The following NREP variants were observed in gnomAD, a reference collection of about 807,000 sequenced individuals.
The protein encoded by NREP is neuronal regeneration related protein.
In NREP, 5 loss-of-function variants were observed where a neutral mutation model predicts 8.6. The ratio of observed to expected loss-of-function variants is 0.58; its 90% CI spans 0.30 to 1.22. The LOEUF is 1.22. NREP is among the 50% of genes most tolerant of loss of function. The pLI is 0.07. For synonymous variants in NREP, 27 were observed against 28.0 expected (o/e 0.96, Z 0.11); for missense variants, 86 against 82.5 (o/e 1.04, Z -0.17).
intron 2 of NREP, among the ~76,000 whole-genome samples, chr5:111,824,158 C>T (rs1437478634): frequency 1.3e-5 from 2 of 152,146 alleles, no homozygotes; most frequent in African/African-American, 4.8e-5. Flanking sequence ...ATCACGAGGT[C>T]AGGAGATCAA....
At chr5:111,760,924 G>C (rs1750945982), upstream of NREP, among the ~76,000 whole-genome samples, 1 of 152,138 alleles carries the variant, frequency 6.6e-6, no homozygotes, top group Non-Finnish European at 1.5e-5. Flanking sequence ...CCTGATTATA[G>C]CTAAATGTAT....
intron 2 of NREP, among the ~76,000 whole-genome samples, chr5:111,944,132 A>T (rs1170301882): frequency 2.6e-5 from 4 of 152,080 alleles, no homozygotes; most frequent in Non-Finnish European, 5.9e-5. Context: ...AGTATATTGG[A>T]TGAGGGATGC....
Position 111,788,084 on chromosome 5 carries a change from C to A in NREP, c.136-52577G>T, listed in dbSNP as rs115248165. On this transcript the variant is annotated intron_variant, in intron 2 of 3. Coordinates refer to the NREP transcript ENST00000395634. ...CCACCCTGGGTAACAAAGCAAGACC[C>A]TATCTCAACAACAACAACAAGAAAA... is the stretch of plus-strand genomic sequence containing the variant. Among the ~76,000 whole-genome samples, 464 of 151,974 alleles carry A rather than the reference C, an allele frequency of 3.1e-3. 3 individuals are homozygous for A. The highest frequency in any genetic ancestry group is 0.011 in the African/African-American group (450 of 41,446).
chr5:111,941,698 T>G (rs1755834370), intron 2 of NREP, among the ~76,000 whole-genome samples: 1 of 152,084 alleles, frequency 6.6e-6, no homozygotes, highest in South Asian at 2.1e-4. Flanking sequence ...AATATTAGCA[T>G]TTCAGACAGG....
chr5:111,730,825 A>AT lies in NREP; in HGVS notation c.*95dup. 1 of 1,386,628 alleles carries AT rather than the reference A, an allele frequency of 7.2e-7. No homozygotes were observed. Among genetic ancestry groups the AT allele is most frequent in the Non-Finnish European group, 9.9e-7 (1 of 1,008,986 alleles). The allele number at this position is 1,386,628 out of a possible 1,614,324, so 85.9% of individuals were successfully genotyped here. On this transcript the variant is annotated 3_prime_UTR_variant, in exon 4 of 4. Transcript: ENST00000257435. ...GCTCAGAGTCCCATAGTTTCTTCTT[A>AT]TACTTGATGATTTACACAGAAAAAA...
At chr5:111,836,988 T>G (rs1752912245) in intron 2 of NREP, among the ~76,000 whole-genome samples, 1 of 152,070 alleles carries the variant, frequency 6.6e-6, no homozygotes, top group Non-Finnish European at 1.5e-5. Context: ...AAGACTTGAA[T>G]TCACTTGAAT....
rs773514194 is a variant in NREP at position 111,870,608 on chromosome 5, CA to C, written c.135+104665del. 8.6e-4 allele frequency among the ~76,000 whole-genome samples: 130 copies of C among 151,910 alleles called. 2 individuals carry two copies. The highest frequency in any genetic ancestry group is 1.2e-3 in the Non-Finnish European group (84 of 67,972). ...AATTATGGATTGTATGCCAACATAC[CA>C]AAAGGTATGTTGATGTCCTAACCTC... is the stretch of plus-strand genomic sequence containing the variant. On this transcript the variant is annotated intron_variant, in intron 2 of 3. Coordinates refer to the NREP transcript ENST00000395634.
intron 2 of NREP, among the ~76,000 whole-genome samples, chr5:111,833,711 G>A (rs547551099): frequency 6.6e-6 from 1 of 152,240 alleles, no homozygotes; most frequent in East Asian, 1.9e-4. Context: ...AACAGATTTG[G>A]TCCCAGCCTC....
chr5:111,872,475 A>G (rs1753812697), intron 2 of NREP, among the ~76,000 whole-genome samples: 1 of 152,234 alleles, frequency 6.6e-6, no homozygotes, highest in Non-Finnish European at 1.5e-5. Context: ...CTCATGGTCC[A>G]GTCAAGTTGC....
chr5:111,916,090 A>G (rs577885087), intron 2 of NREP, among the ~76,000 whole-genome samples: 14 of 152,274 alleles, frequency 9.2e-5, no homozygotes, highest in African/African-American at 3.4e-4. Flanking sequence ...ATTAGGAGCC[A>G]TAGTCGCAAG....
intron 2 of NREP, among the ~76,000 whole-genome samples, chr5:111,827,647 G>C (rs1472078753): frequency 6.6e-6 from 1 of 152,170 alleles, no homozygotes; most frequent in Non-Finnish European, 1.5e-5. Flanking sequence ...TTCGAGACCA[G>C]CCTGGCCAAC....
At chr5:111,732,162 A>C in intron 3 of NREP, 1 of 152,196 alleles carries the variant, frequency 6.6e-6, no homozygotes, top group East Asian at 1.9e-4. Flanking sequence ...GATGTAAAGT[A>C]CTTGGATTAA....
intron 3 of NREP, among the ~76,000 whole-genome samples, chr5:111,731,530 A>C (rs1748578032): frequency 6.6e-6 from 1 of 152,048 alleles, no homozygotes; most frequent in African/African-American, 2.4e-5. Context: ...CTCAACTTGC[A>C]TCAATCTTAT....
At chr5:111,890,809 C>T (rs969932153) in intron 2 of NREP, among the ~76,000 whole-genome samples, 1 of 152,150 alleles carries the variant, frequency 6.6e-6, no homozygotes, top group Non-Finnish European at 1.5e-5. Flanking sequence ...TGGGCCTGAC[C>T]CACGAAACCA....
intron 1 of NREP, chr5:111,976,679 A>T: frequency 6.5e-7 from 1 of 1,534,902 alleles, no homozygotes; most frequent in Non-Finnish European, 8.8e-7. Context: ...GTCCCCTCAT[A>T]TGCATACACA....
intron 2 of NREP, among the ~76,000 whole-genome samples, chr5:111,931,788 A>G (rs990416038): frequency 3.9e-5 from 6 of 152,106 alleles, no homozygotes; most frequent in African/African-American, 1.4e-4. Flanking sequence ...AGGTTCCTCC[A>G]TGGGTCTTCT....
upstream of NREP, chr5:111,758,195 C>G: frequency 1.0e-6 from 1 of 985,620 alleles, no homozygotes; most frequent in Non-Finnish European, 1.2e-6. Flanking sequence ...GAAGGCCGGG[C>G]CCAGAGGTCC....
At chr5:111,801,718 G>A (rs371387744) in intron 2 of NREP, among the ~76,000 whole-genome samples, 112 of 152,242 alleles carry the variant, frequency 7.4e-4, no homozygotes, top group African/African-American at 2.6e-3. Context: ...ATGCTTATAT[G>A]TACATTGAAA....
At chr5:111,742,962 G>A (rs1749774634) in intron 2 of NREP, among the ~76,000 whole-genome samples, 1 of 152,082 alleles carries the variant, frequency 6.6e-6, no homozygotes, top group Non-Finnish European at 1.5e-5. Flanking sequence ...GCCAAACTGT[G>A]GACTGGACTC....
Sources: gnomAD v4.1 joint callset for allele counts (sites outside exome capture counted in the v4.1 genomes callset) on GRCh38, gnomAD v4.1.1 for gene constraint, MANE v1.5 for transcripts, NCBI Gene and HGNC (gene_info 2026-07-23, HGNC 2026-07-21) for gene names.